The following TCF7 variants were observed in gnomAD, a reference collection of about 807,000 sequenced individuals.
The protein encoded by TCF7 is T-cell-factor-7.
In TCF7, 19 loss-of-function variants were observed where a neutral mutation model predicts 46.8. That is an observed-to-expected ratio of 0.41 (90% CI 0.28 to 0.60). TCF7 has a LOEUF of 0.60. Among genes scored for constraint, TCF7 ranks in the 20% least tolerant of loss-of-function variants. The pLI is 0.35. For missense variants in TCF7, 547 were observed against 504.6 expected, an observed-to-expected ratio of 1.08 and a Z score of -0.81; for synonymous variants, 245 against 213.4, an observed-to-expected ratio of 1.15 and a Z score of -1.29.
At chr5:134,124,102 G>A (rs1285702815) in intron 3 of TCF7, among the ~76,000 whole-genome samples, 1 of 152,132 alleles carries the variant, frequency 6.6e-6, no homozygotes, top group African/African-American at 2.4e-5. Context: ...GCCCATTGGT[G>A]ACTCAGCCAG....
At chr5:134,138,646 A>G in intron 4 of TCF7, 1 of 348,404 alleles carries the variant, frequency 2.9e-6, no homozygotes, top group South Asian at 5.6e-5. Context: ...CTGCCCAGAA[A>G]GCTAGGCTGG....
chr5:134,111,517 T>A (rs1383690669), upstream of TCF7, among the ~76,000 whole-genome samples: 1 of 152,080 alleles, frequency 6.6e-6, no homozygotes, highest in African/African-American at 2.4e-5. Flanking sequence ...CCAGAACAGG[T>A]GGCCTCGGGT....
Position 134,142,247 on chromosome 5 carries a change from A to G in TCF7, c.698A>G (p.His233Arg). ...GVPGHPAAIP[H>R]PAIVPPSGKQ... is the part of the protein sequence containing the mutation. ...CCTGGTCACCCAGCAGCCATCCCCC[A>G]CCCGGCCATTGTGCCCCCCTCAGGG... is the stretch of plus-strand genomic sequence containing the variant. The change falls in exon 6 of 10, where the codon CAC (histidine) becomes CGC (arginine). Residue 233 changes from histidine to arginine, a missense_variant. By Grantham distance (29) the His-to-Arg change is conservative. Coordinates refer to ENST00000342854, the MANE Select transcript of TCF7 (RefSeq NM_003202.5). 6.2e-7 allele frequency: 1 copy of G among 1,609,632 alleles called. No individual in the cohort carries two copies. The highest frequency in any genetic ancestry group is 8.5e-7 in the Non-Finnish European group (1 of 1,176,902).
At position 134,114,865 on chromosome 5, in the gene TCF7, C is replaced by T. The variant is rs1301227816; in HGVS notation, c.-42C>T. On this transcript the variant is annotated 5_prime_UTR_variant, in exon 1 of 10. Transcript: ENST00000342854. ...CCGGGCCGGCTCCGCGCCCCGCACT[C>T]CCGGCGCCCAGCGCCCCGCGCCCCG... The T allele has an allele frequency of 4.1e-6, 4 of 983,780 alleles. No homozygotes were observed. Among genetic ancestry groups the T allele is most frequent in the Non-Finnish European group, 4.8e-6 (4 of 830,430 alleles). The allele number at this position is 983,780 out of a possible 1,614,324, so 60.9% of individuals were successfully genotyped here.
intron 9 of TCF7, 111 bp downstream of exon 9, chr5:134,143,751 G>A: frequency 7.9e-7 from 1 of 1,258,768 alleles, no homozygotes; most frequent in Middle Eastern, 2.0e-4. Context: ...GAGCCTTCAG[G>A]GCCTGGGGCC....
At chr5:134,109,793 G>T (rs980991304), upstream of TCF7, among the ~76,000 whole-genome samples, 8 of 139,934 alleles carry the variant, frequency 5.7e-5, no homozygotes, top group East Asian at 1.2e-3. Flanking sequence ...AAAAAAAAAA[G>T]AACTTAGAGG....
Position 134,116,234 on chromosome 5 carries a change from CT to C in TCF7, c.441+202del, listed in dbSNP as rs1457658152. ...GGAGGGGCCGCCCTGGGGCACCCCC[CT>C]GCCCTCTGCCTCTTGGCTTTTGTCT... On this transcript the variant is annotated intron_variant, in intron 3 of 9. Transcript: ENST00000342854. 3.3e-6 allele frequency: 4 copies of C among 1,207,208 alleles called. No homozygotes were observed. The East Asian group carries it at 1.1e-4, about 34-fold the overall frequency. 74.8% of individuals were successfully genotyped at this position (1,207,208 alleles called of 1,614,324 possible). A position where few individuals can be genotyped will look rare whatever the true frequency, so the allele number is the denominator to read the frequency against.
At chr5:134,109,814 T>G (rs916924221), upstream of TCF7, among the ~76,000 whole-genome samples, 3 of 149,452 alleles carry the variant, frequency 2.0e-5, no homozygotes, top group African/African-American at 7.5e-5. Flanking sequence ...CATCTGCAGC[T>G]TCCAGGTGAA....
chr5:134,142,717 T>G lies in TCF7; in HGVS notation c.756-4T>G. 1 of 1,613,710 alleles carries G rather than the reference T, an allele frequency of 6.2e-7. No individual in the cohort carries two copies. Among genetic ancestry groups the G allele is most frequent in the Non-Finnish European group, 8.5e-7 (1 of 1,179,832 alleles). On this transcript the variant is annotated splice_region_variant and splice_polypyrimidine_tract_variant and intron_variant, in intron 6 of 9. Transcript: ENST00000342854. Reference sequence around the variant, plus strand: ...CCTGAACAATCTGGATTTGTGCCCCTCAGGAAGACACAAGCAGAGTCCAAG... The same window carrying G: ...CCTGAACAATCTGGATTTGTGCCCCGCAGGAAGACACAAGCAGAGTCCAAG...
rs2149353706 is a variant in TCF7, at chr5:134,142,844, TAAG to T, written c.880_882del (p.Lys294del). On this transcript the variant is annotated inframe_deletion, in exon 7 of 10. Coordinates refer to ENST00000342854, the MANE Select transcript of TCF7 (RefSeq NM_003202.5). ...CCAAGGTCATTGCAGAGTGCACACT[TAAG>T]GAGAGCGCTGCCATCAACCAGATCC... 1 of 1,613,936 alleles carries T rather than the reference TAAG, an allele frequency of 6.2e-7. No homozygotes were observed. Among genetic ancestry groups the T allele is most frequent in the Non-Finnish European group, 8.5e-7 (1 of 1,179,956 alleles).
chr5:134,110,735 T>C (rs998629409), upstream of TCF7, among the ~76,000 whole-genome samples: 2 of 152,202 alleles, frequency 1.3e-5, no homozygotes, highest in African/African-American at 4.8e-5. Flanking sequence ...CTTGCTGTAA[T>C]TTACTAAATC....
At chr5:134,122,901 C>T (rs1245079108) in intron 3 of TCF7, among the ~76,000 whole-genome samples, 1 of 152,156 alleles carries the variant, frequency 6.6e-6, no homozygotes, top group Non-Finnish European at 1.5e-5. Flanking sequence ...TATCCAAGGC[C>T]CCTTAGAGGA....
chr5:134,123,690 G>C (rs1756920700), intron 3 of TCF7: 2 of 456,074 alleles, frequency 4.4e-6, no homozygotes, highest in African/African-American at 4.0e-5. Flanking sequence ...TGACCTTGGT[G>C]CTGGGGCAGC....
chr5:134,143,809 A>C, intron 9 of TCF7, 169 bp downstream of exon 9: 1 of 704,684 alleles, frequency 1.4e-6, no homozygotes, highest in East Asian at 2.7e-5. Context: ...CATGCAAGAA[A>C]CAGCTATATT....
At chr5:134,113,117 G>A (rs1016455983), upstream of TCF7, among the ~76,000 whole-genome samples, 3 of 152,116 alleles carry the variant, frequency 2.0e-5, no homozygotes, top group African/African-American at 7.2e-5. Flanking sequence ...GCAGGGCCGA[G>A]CCCCCCCTTC....
At chr5:134,131,722 T>G (rs1758154949) in intron 3 of TCF7, among the ~76,000 whole-genome samples, 1 of 152,158 alleles carries the variant, frequency 6.6e-6, no homozygotes, top group Non-Finnish European at 1.5e-5. Flanking sequence ...GGCCAACCTC[T>G]CTGCCAGCTA....
chr5:134,135,249 C>G (rs1037656592), intron 3 of TCF7, among the ~76,000 whole-genome samples: 1 of 152,244 alleles, frequency 6.6e-6, no homozygotes, highest in South Asian at 2.1e-4. Flanking sequence ...CATGAAGCCA[C>G]TGCGCCCAGC....
upstream of TCF7, among the ~76,000 whole-genome samples, chr5:134,112,263 T>G (rs1431184016): frequency 1.3e-5 from 2 of 152,238 alleles, no homozygotes. Context: ...ATTACCTGTA[T>G]AGACTACTCT....
chr5:134,126,997 C>T (rs929776190), intron 3 of TCF7, among the ~76,000 whole-genome samples: 6 of 152,140 alleles, frequency 3.9e-5, no homozygotes, highest in African/African-American at 1.4e-4. Flanking sequence ...ATAAGGAATG[C>T]GCTGATACCT....
Sources: allele counts gnomAD v4.1 joint callset (sites outside exome capture counted in the v4.1 genomes callset), GRCh38; gene constraint gnomAD v4.1.1; transcripts MANE v1.5; gene names NCBI Gene and HGNC (gene_info 2026-07-23, HGNC 2026-07-21).